The following ZBTB7C variants were observed in gnomAD, a reference collection of about 807,000 sequenced individuals.
ZBTB7C encodes zinc finger and BTB domain-containing protein 7C.
Under a neutral mutation model 25.7 loss-of-function variants are expected in ZBTB7C, and 8 were observed. The ratio of observed to expected loss-of-function variants is 0.31; its 90% confidence interval spans 0.18 to 0.56. The LOEUF (loss-of-function observed/expected upper bound fraction) is 0.56. Among genes scored for constraint, ZBTB7C ranks in the 20% least tolerant of loss-of-function variants. ZBTB7C has a pLI of 0.91. For synonymous variants in ZBTB7C, 394 were observed against 369.0 expected (o/e 1.07, Z -0.78); for missense variants, 824 against 855.2 (o/e 0.96, Z 0.46).
In ZBTB7C at chr18:48,405,957, G is replaced by T. The variant is rs1011047491; in HGVS notation, c.-304+3269C>A. Among the ~76,000 whole-genome samples, 11 of 152,226 alleles carry T rather than the reference G, an allele frequency of 7.2e-5. No individual in the cohort carries two copies. The East Asian group carries it at 1.5e-3, about 21-fold the overall frequency. On this transcript the variant is annotated intron_variant, in intron 1 of 4. Transcript: ENST00000590800. ...CCTGTAGGATGCCGCACACAGGCTG[G>T]GGTTCACTCCAGTACCCTCTGTGTG...
Position 48,029,553 on chromosome 18 carries a change from C to A in ZBTB7C, c.1567G>T (p.Val523Leu). ...EVGGHLGGAA[V>L]CLPGPSPAKH... ...GCGGGGCTGGGGCCCGGGAGGCACACAGCTGCGCCGCCCAGGTGGCCGCCC... is the reference window on the plus strand; with the variant it reads ...GCGGGGCTGGGGCCCGGGAGGCACAAAGCTGCGCCGCCCAGGTGGCCGCCC... The change falls in exon 5 of 5, where the codon GTG becomes TTG. Residue 523 changes from valine (V) to leucine (L), a missense_variant. By Grantham distance (32) the Val-to-Leu change is conservative (BLOSUM62 1). This residue lies in a region of ZBTB7C where 342 missense variants were observed against 307.0 expected (regional missense o/e 1.11). Transcript: ENST00000590800. The A allele has an allele frequency of 6.5e-7, 1 of 1,542,036 alleles. No individual in the cohort carries two copies. The highest frequency in any genetic ancestry group is 2.4e-5 in the East Asian group (1 of 41,188).
chr18:48,130,539 C>T (rs1199706023), intron 3 of ZBTB7C, among the ~76,000 whole-genome samples: 2 of 152,186 alleles, frequency 1.3e-5, no homozygotes, highest in Non-Finnish European at 2.9e-5. Flanking sequence ...GCTAATCCTC[C>T]TCCGAGAAGT....
chr18:48,309,733 C>A (rs76179534), intron 2 of ZBTB7C, among the ~76,000 whole-genome samples: 1 of 152,178 alleles, frequency 6.6e-6, no homozygotes, highest in African/African-American at 2.4e-5. Flanking sequence ...GAAACTGAGT[C>A]TTATAAAAAA....
At chr18:48,277,854 C>T (rs534335605) in intron 2 of ZBTB7C, among the ~76,000 whole-genome samples, 59 of 150,270 alleles carry the variant, frequency 3.9e-4, no homozygotes, top group African/African-American at 1.3e-3. Flanking sequence ...TTTTTTAAAT[C>T]GACCCCCTTC....
chr18:48,391,319 C>CA (rs2047898784), intron 1 of ZBTB7C, among the ~76,000 whole-genome samples: 2 of 152,182 alleles, frequency 1.3e-5, no homozygotes, highest in African/African-American at 4.8e-5. Context: ...ATGAAGTTGT[C>CA]AATGTTACTC....
At chr18:48,082,332 A>G (rs1346389216) in intron 3 of ZBTB7C, among the ~76,000 whole-genome samples, 2 of 152,162 alleles carry the variant, frequency 1.3e-5, no homozygotes, top group Non-Finnish European at 2.9e-5. Flanking sequence ...AACTTCCACA[A>G]TGGTGCCTGG....
intron 2 of ZBTB7C, among the ~76,000 whole-genome samples, chr18:48,328,014 C>A (rs1403964497): frequency 6.6e-6 from 1 of 151,876 alleles, no homozygotes; most frequent in Non-Finnish European, 1.5e-5. Flanking sequence ...CGAGACCATC[C>A]TGGCTAACAC....
chr18:48,035,520 C>T (rs2035934381), intron 4 of ZBTB7C, among the ~76,000 whole-genome samples: 1 of 152,218 alleles, frequency 6.6e-6, no homozygotes, highest in Non-Finnish European at 1.5e-5. Flanking sequence ...ATCAAGGACC[C>T]ATGTGGTGGG....
intron 3 of ZBTB7C, among the ~76,000 whole-genome samples, chr18:48,164,694 T>C (rs918750096): frequency 1.3e-5 from 2 of 152,156 alleles, no homozygotes; most frequent in Non-Finnish European, 1.5e-5. Flanking sequence ...AGAATGGGCC[T>C]CCCTGCCTTC....
At chr18:48,166,201 A>AAAT (rs1555704991) in intron 3 of ZBTB7C, among the ~76,000 whole-genome samples, 6 of 82,982 alleles carry the variant, frequency 7.2e-5, no homozygotes, top group African/African-American at 2.4e-4. Flanking sequence ...TCATCAACCC[A>AAAT]AACAACTCTG....
intron 2 of ZBTB7C, among the ~76,000 whole-genome samples, chr18:48,286,229 T>C (rs2045047086): frequency 8.2e-6 from 1 of 121,430 alleles, no homozygotes; most frequent in African/African-American, 3.8e-5. Context: ...AGAGAAGAGG[T>C]GTGCGTGTGT....
At chr18:48,371,367 A>C (rs2047384597) in intron 1 of ZBTB7C, among the ~76,000 whole-genome samples, 1 of 152,218 alleles carries the variant, frequency 6.6e-6, no homozygotes, top group Non-Finnish European at 1.5e-5. Flanking sequence ...GCTGGGAACG[A>C]GCTTAAAGAT....
At chr18:48,036,361 G>A (rs140202909) in intron 4 of ZBTB7C, among the ~76,000 whole-genome samples, 8 of 152,288 alleles carry the variant, frequency 5.3e-5, no homozygotes, top group Non-Finnish European at 7.4e-5. Context: ...TCATTAGTAC[G>A]TCCCCGTGGG....
chr18:48,049,039 A>G (rs577183097), intron 3 of ZBTB7C, among the ~76,000 whole-genome samples: 4 of 152,288 alleles, frequency 2.6e-5, no homozygotes, highest in Admixed American at 2.6e-4. Flanking sequence ...CATTATTGGA[A>G]CACTAAGCTT....
At chr18:48,255,336 G>A (rs549605902) in intron 2 of ZBTB7C, among the ~76,000 whole-genome samples, 2 of 152,218 alleles carry the variant, frequency 1.3e-5, no homozygotes, top group South Asian at 4.1e-4. Flanking sequence ...TAGAAAGTAA[G>A]ATATAAAAAG....
rs548614097 is a variant in ZBTB7C at position 48,394,438 on chromosome 18, G to A, written c.-304+14788C>T. ...CAGATGACTCAAGCTGAAGGGTAGG[G>A]GGTGAGGGACCCGAACCAGGGAAAG... is the stretch of plus-strand genomic sequence containing the variant. On this transcript the variant is annotated intron_variant, in intron 1 of 4. Coordinates refer to ENST00000590800, the MANE Select transcript of ZBTB7C (RefSeq NM_001318841.2). 9.9e-5 allele frequency among the ~76,000 whole-genome samples: 15 copies of A among 152,256 alleles called. No homozygotes were observed. The East Asian group carries it at 2.3e-3, about 23-fold the overall frequency.
intron 2 of ZBTB7C, among the ~76,000 whole-genome samples, chr18:48,209,756 TAA>T (rs144890708): frequency 0.13 from 18,885 of 142,060 alleles, 1,489 homozygotes; most frequent in Non-Finnish European, 0.19. Flanking sequence ...TCTTGTCTCT[TAA>T]AAAAAAAAAA....
rs1293124829 is a variant in ZBTB7C at position 48,343,311 on chromosome 18, C to T, written c.-303-4913G>A. On this transcript the variant is annotated intron_variant, in intron 1 of 4. Transcript: ENST00000590800. The stretch of plus-strand genomic sequence containing the variant: ...CCTAATTTTAAGGATTGAGGAAAAA[C>T]ATCTAAGATTTGCCCTGTGTTTGTC... Among the ~76,000 whole-genome samples, 6 of 152,118 alleles carry T rather than the reference C, an allele frequency of 3.9e-5. No individual in the cohort carries two copies. The East Asian group carries it at 1.2e-3, about 29-fold the overall frequency.
intron 1 of ZBTB7C, among the ~76,000 whole-genome samples, chr18:48,377,931 G>A (rs2047558561): frequency 6.6e-6 from 1 of 152,164 alleles, no homozygotes; most frequent in Non-Finnish European, 1.5e-5. Flanking sequence ...CAAAACTTTG[G>A]GAGGCCGAGG....
Sources: allele counts gnomAD v4.1 joint callset (sites outside exome capture counted in the v4.1 genomes callset), GRCh38; gene constraint gnomAD v4.1.1; regional missense constraint gnomAD v4.1.1; transcripts MANE v1.5; gene names NCBI Gene and HGNC (gene_info 2026-07-23, HGNC 2026-07-21).